The following FAM171A2 variants were observed in gnomAD, a reference collection of about 807,000 sequenced individuals.
FAM171A2 encodes the protein protein FAM171A2.
In FAM171A2, 13 loss-of-function variants were observed where a neutral mutation model predicts 34.2. The ratio of observed to expected loss-of-function variants is 0.38; its 90% CI spans 0.25 to 0.60. The LOEUF (loss-of-function observed/expected upper bound fraction) is 0.60. FAM171A2 is among the 20% of genes least tolerant of loss of function. The pLI is 0.62. For missense variants in FAM171A2, 950 were observed against 1,180.7 expected (o/e 0.80, Z 2.86); for synonymous variants, 475 against 561.2 (o/e 0.85, Z 2.17).
At position 44,354,049 on chromosome 17, in the gene FAM171A2, G is replaced by A. The variant is rs2048406063; in HGVS notation, c.2165C>T (p.Pro722Leu). ...CGTGTCCTCGCTGAGCGCCAGGCGC[G>A]GGGGCGCGGGCGGCGGCGGCGGCGC... is the stretch of plus-strand genomic sequence containing the variant. ...PAAPPPPPAP[P>L]RLALSEDTEP... Residue 722 changes from proline to leucine, a missense_variant, in exon 8 of 8, where the codon CCG becomes CTG. This residue lies in a region of FAM171A2 where 191 missense variants were observed against 222.8 expected (regional missense o/e 0.86). Transcript: ENST00000293443. The surrounding 1 kb of genome is among the most constrained non-coding windows in gnomAD (Gnocchi z 5.8). 4.4e-6 allele frequency: 5 copies of A among 1,149,316 alleles called. No individual in the cohort carries two copies. Among genetic ancestry groups the A allele is most frequent in the Non-Finnish European group, 5.3e-6 (5 of 935,808 alleles). The allele number at this position is 1,149,316 out of a possible 1,614,324, so 71.2% of individuals were successfully genotyped here.
At chr17:44,358,232 G>A (rs2048433562) in intron 3 of FAM171A2, among the ~76,000 whole-genome samples, 1 of 152,216 alleles carries the variant, frequency 6.6e-6, no homozygotes, top group African/African-American at 2.4e-5. Flanking sequence ...CCCGGGCTCT[G>A]GAGGGTGCAG....
At position 44,360,037 on chromosome 17, in the gene FAM171A2, C is replaced by T. The variant is rs1244467369; in HGVS notation, c.214G>A (p.Ala72Thr). 1 of 1,551,774 alleles carries T rather than the reference C, an allele frequency of 6.4e-7. No homozygotes were observed. Among genetic ancestry groups the T allele is most frequent in the Non-Finnish European group, 8.7e-7 (1 of 1,147,012 alleles). The change falls in exon 2 of 8, where the codon GCT becomes ACT. Residue 72 changes from alanine to threonine, a missense_variant. This residue lies in a region of FAM171A2 where 752 missense variants were observed against 924.5 expected (regional missense o/e 0.81). Coordinates refer to ENST00000293443, the MANE Select transcript of FAM171A2 (RefSeq NM_198475.3). ...DVFGNRTLLA[A>T]GTTDSEGVAT... ...ACACCCTCTGAGTCTGTGGTGCCAG[C>T]TGCCAGCAGAGTCCGGTTCCCAAAC...
intron 3 of FAM171A2, 102 bp downstream of exon 3, chr17:44,359,477 G>A (rs1191906438): frequency 4.2e-6 from 4 of 952,136 alleles, no homozygotes; most frequent in South Asian, 1.5e-5. Context: ...GAGAGGTGAA[G>A]TGACTTGCCC....
chr17:44,356,039 T>G lies in FAM171A2; in HGVS notation c.814A>C (p.Lys272Gln). 2.6e-6 allele frequency: 4 copies of G among 1,548,410 alleles called. No individual in the cohort carries two copies. The highest frequency in any genetic ancestry group is 3.5e-6 in the Non-Finnish European group (4 of 1,145,306). Reference sequence around the variant, plus strand: ...GTCCAGTAGAGCTGCCGGCCTTCCTTCCGGATTACACCAGTGCCATTGCGC... The same window carrying G: ...GTCCAGTAGAGCTGCCGGCCTTCCTGCCGGATTACACCAGTGCCATTGCGC... ...WVRNGTGVIRKEGRQLYWTFV... is the reference protein window; with the variant it reads ...WVRNGTGVIRQEGRQLYWTFV... Residue 272 changes from lysine to glutamine, a missense_variant, in exon 6 of 8, where the codon AAG (lysine) becomes CAG (glutamine). Coordinates refer to ENST00000293443, the MANE Select transcript of FAM171A2 (RefSeq NM_198475.3).
chr17:44,363,533 A>C, intron 1 of FAM171A2, 64 bp downstream of exon 1: 2 of 736,694 alleles, frequency 2.7e-6, no homozygotes, highest in Non-Finnish European at 3.7e-6. Context: ...GAGGGGGCTG[A>C]CGGGCGGGAG....
Position 44,355,688 on chromosome 17 carries a change from G to C in FAM171A2, c.1022+27C>G. On this transcript the variant is annotated intron_variant, in intron 7 of 7. Coordinates refer to ENST00000293443, the MANE Select transcript of FAM171A2 (RefSeq NM_198475.3). The surrounding 1 kb of genome is among the most constrained non-coding windows in gnomAD (Gnocchi z 4.1). ...CCCCAGGGCCCGGTACAAGTGCAGG[G>C]GAGGGTGAGGGAAGCCCCGTGCTCA... is the stretch of plus-strand genomic sequence containing the variant. 6.4e-7 allele frequency: 1 copy of C among 1,551,158 alleles called. No individual in the cohort carries two copies. The highest frequency in any genetic ancestry group is 8.7e-7 in the Non-Finnish European group (1 of 1,146,872).
chr17:44,357,499 T>C (rs1286252748), intron 3 of FAM171A2, among the ~76,000 whole-genome samples: 1 of 151,346 alleles, frequency 6.6e-6, no homozygotes, highest in East Asian at 1.9e-4. Context: ...CTACAAAAAT[T>C]AGCCAGGTGC....
intron 2 of FAM171A2, 34 bp downstream of exon 2, chr17:44,359,871 G>C: frequency 2.0e-6 from 3 of 1,497,862 alleles, no homozygotes; most frequent in Non-Finnish European, 2.7e-6. Flanking sequence ...AGGGTCAGCT[G>C]CTGTCCCCCC....
chr17:44,360,136 T>C lies in FAM171A2; in HGVS notation c.119-4A>G. The C allele has an allele frequency of 6.5e-7, 1 of 1,548,208 alleles. No individual in the cohort carries two copies. Among genetic ancestry groups the C allele is most frequent in the East Asian group, 2.5e-5 (1 of 40,810 alleles). On this transcript the variant is annotated splice_polypyrimidine_tract_variant and splice_region_variant and intron_variant, in intron 1 of 7. Transcript: ENST00000293443. ...ACCTGCACCTTGATCAGGATCTCTG[T>C]GGGCAAGATGGGGCAAAGGGAGTGA...
In FAM171A2 at chr17:44,356,265, C is replaced by G. The variant is rs1003475176; in HGVS notation, c.686G>C (p.Gly229Ala). 3.2e-6 allele frequency: 5 copies of G among 1,551,270 alleles called. No individual in the cohort carries two copies. The highest frequency in any genetic ancestry group is 4.4e-6 in the Non-Finnish European group (5 of 1,146,886). The part of the protein sequence containing the change: ...TGNGTEVPLS[G>A]PIHLSLPVPS... ...CACGGGCAGGGACAGGTGAATGGGGCCTGAGAGCGGCACCTCTGTCCCATT... is the reference window on the plus strand; with the variant it reads ...CACGGGCAGGGACAGGTGAATGGGGGCTGAGAGCGGCACCTCTGTCCCATT... The change falls in exon 5 of 8, where the codon GGC (glycine) becomes GCC (alanine). Residue 229 changes from glycine (G) to alanine (A), a missense_variant. Around this residue, in one of 3 missense-constraint regions of FAM171A2, gnomAD observed 752 missense variants for 924.5 expected, o/e 0.81. Transcript: ENST00000293443.
Position 44,359,570 on chromosome 17 carries a change from G to T in FAM171A2, c.439+9C>A, listed in dbSNP as rs1021248173. On this transcript the variant is annotated intron_variant, in intron 3 of 7. Transcript: ENST00000293443. ...AAGAAGAGTTGGCGTGGGTGAGGGG[G>T]AGCCTTACCGGGAGAGCCTAGGAGA... 3 of 1,550,496 alleles carry T rather than the reference G, an allele frequency of 1.9e-6. No individual in the cohort carries two copies. The highest frequency in any genetic ancestry group is 1.4e-5 in the African/African-American group (1 of 73,106).
chr17:44,357,916 A>G (rs145668222), intron 3 of FAM171A2, among the ~76,000 whole-genome samples: 13 of 152,344 alleles, frequency 8.5e-5, no homozygotes, highest in African/African-American at 2.9e-4. Context: ...ATCTATTATC[A>G]ACCTCATTTT....
At position 44,354,077 on chromosome 17, in the gene FAM171A2, C is replaced by A. The variant is rs1394031933; in HGVS notation, c.2137G>T (p.Ala713Ser). The A allele has an allele frequency of 1.8e-6, 2 of 1,104,048 alleles. No individual in the cohort carries two copies. Among genetic ancestry groups the A allele is most frequent in the South Asian group, 4.3e-5 (1 of 23,274 alleles). The allele number at this position is 1,104,048 out of a possible 1,614,324, so 68.4% of individuals were successfully genotyped here. A position where few individuals can be genotyped will look rare whatever the true frequency, so the allele number is the denominator to read the frequency against. ...AREERERAPP[A>S]APPPPPAPPR... ...GGCGCGGGCGGCGGCGGCGGCGCGG[C>A]AGGCGGGGCGCGCTCCCGCTCCTCC... Residue 713 changes from alanine to serine, a missense_variant, in exon 8 of 8, where the codon GCC becomes TCC. Physicochemically the swap from Ala to Ser is moderately conservative, Grantham distance 99 (BLOSUM62 1). Coordinates refer to ENST00000293443, the MANE Select transcript of FAM171A2 (RefSeq NM_198475.3). The surrounding 1 kb of genome is among the most constrained non-coding windows in gnomAD (Gnocchi z 5.8).
rs1212058758 is a variant in FAM171A2, at chr17:44,354,054, C to T, written c.2160G>A (p.Ala720=). 1.8e-6 allele frequency: 2 copies of T among 1,136,632 alleles called. No homozygotes were observed. Among genetic ancestry groups the T allele is most frequent in the Non-Finnish European group, 2.2e-6 (2 of 927,746 alleles). The allele number at this position is 1,136,632 out of a possible 1,614,324, so 70.4% of individuals were successfully genotyped here. The part of the protein sequence containing the change: ...APPAAPPPPP[A]PPRLALSEDT... ...CCTCGCTGAGCGCCAGGCGCGGGGG[C>T]GCGGGCGGCGGCGGCGGCGCGGCAG... The change falls in exon 8 of 8, where the codon GCG becomes GCA. Residue 720 remains alanine (A), a synonymous_variant. Transcript: ENST00000293443. This position sits in a 1 kb window ranked among gnomAD's most constrained non-coding sequence, Gnocchi z 5.8.
In FAM171A2 at chr17:44,360,145, T is replaced by C; in HGVS notation, c.119-13A>G. 6.5e-7 allele frequency: 1 copy of C among 1,543,612 alleles called. No individual in the cohort carries two copies. Among genetic ancestry groups the C allele is most frequent in the Non-Finnish European group, 8.8e-7 (1 of 1,141,976 alleles). On this transcript the variant is annotated splice_polypyrimidine_tract_variant and intron_variant, in intron 1 of 7. Transcript: ENST00000293443. ...TTGATCAGGATCTCTGTGGGCAAGA[T>C]GGGGCAAAGGGAGTGAGGACGAGGG... is the stretch of plus-strand genomic sequence containing the variant.
chr17:44,355,625 C>G lies in FAM171A2; in HGVS notation c.1022+90G>C, dbSNP rs1425841396. The G allele has an allele frequency of 1.3e-6, 2 of 1,507,090 alleles. No homozygotes were observed. The highest frequency in any genetic ancestry group is 1.8e-6 in the Non-Finnish European group (2 of 1,115,692). 93.4% of individuals were successfully genotyped at this position (1,507,090 alleles called of 1,614,324 possible). ...TGCAGGAAGTCTTTTCCTGTCTGCC[C>G]CTTGAGGACCAGAAGTGGATTTTAT... On this transcript the variant is annotated intron_variant, in intron 7 of 7. Transcript: ENST00000293443. The surrounding 1 kb of genome is among the most constrained non-coding windows in gnomAD (Gnocchi z 4.1).
chr17:44,358,148 C>G (rs1567891818), intron 3 of FAM171A2, among the ~76,000 whole-genome samples: 1 of 152,140 alleles, frequency 6.6e-6, no homozygotes, highest in African/African-American at 2.4e-5. Flanking sequence ...AAGACTCAGC[C>G]AGGAAAGAAA....
At position 44,355,903 on chromosome 17, in the gene FAM171A2, C is replaced by T. The variant is rs2048420710; in HGVS notation, c.895+55G>A. 1.9e-6 allele frequency: 3 copies of T among 1,547,030 alleles called. No individual in the cohort carries two copies. The highest frequency in any genetic ancestry group is 2.4e-5 in the East Asian group (1 of 40,856). On this transcript the variant is annotated intron_variant, in intron 6 of 7. Coordinates refer to ENST00000293443, the MANE Select transcript of FAM171A2 (RefSeq NM_198475.3). This position sits in a 1 kb window ranked among gnomAD's most constrained non-coding sequence, Gnocchi z 4.1. ...ACCCTTCCTGCCTTTCAGAAGTCTGCTCTCCCAGCTCCCCTCCTCCGCGGC... is the reference window on the plus strand; with the variant it reads ...ACCCTTCCTGCCTTTCAGAAGTCTGTTCTCCCAGCTCCCCTCCTCCGCGGC...
In FAM171A2 at chr17:44,363,757, G is replaced by A; in HGVS notation, c.-43C>T. 1.0e-6 allele frequency: 1 copy of A among 975,072 alleles called. No homozygotes were observed. The highest frequency in any genetic ancestry group is 1.3e-6 in the Non-Finnish European group (1 of 765,188). 60.4% of individuals were successfully genotyped at this position (975,072 alleles called of 1,614,324 possible). On this transcript the variant is annotated 5_prime_UTR_variant, in exon 1 of 8. Transcript: ENST00000293443. ...CCCTAGCGGTCCATGGCTCCCGCCT[G>A]GTCCCGCTCGCCCGGCCCCGCGCAG...
Sources: gnomAD v4.1 joint callset for allele counts (sites outside exome capture counted in the v4.1 genomes callset) on GRCh38, gnomAD v4.1.1 for gene constraint, gnomAD v4.1.1 regional missense constraint, Gnocchi (gnomAD v3.1) non-coding constraint, MANE v1.5 for transcripts, NCBI Gene and HGNC (gene_info 2026-07-23, HGNC 2026-07-21) for gene names.